The following TCF12 variants were observed in gnomAD, a reference collection of about 807,000 sequenced individuals.
The protein encoded by TCF12 is DNA-binding protein HTF4.
Under a neutral mutation model 86.0 loss-of-function variants are expected in TCF12, and 45 were observed. The observed-to-expected ratio is 0.52, with a 90% CI of 0.41 to 0.67. The LOEUF is 0.67. TCF12 is among the 30% of genes least tolerant of loss of function. TCF12 has a pLI of 0.00. For missense variants in TCF12, 881 were observed against 859.9 expected (o/e 1.02, Z -0.31); for synonymous variants, 330 against 299.6 (o/e 1.10, Z -1.05).
chr15:56,947,008 G>T (rs1398676049), intron 3 of TCF12, among the ~76,000 whole-genome samples: 1 of 152,048 alleles, frequency 6.6e-6, no homozygotes, highest in Non-Finnish European at 1.5e-5. Flanking sequence ...ATGTTGGCTA[G>T]GCTGGTCTTG....
chr15:57,267,366 CA>C (rs1159595429), intron 18 of TCF12, among the ~76,000 whole-genome samples: 12 of 152,126 alleles, frequency 7.9e-5, no homozygotes, highest in African/African-American at 2.9e-4. Flanking sequence ...ACTCAACTAT[CA>C]GGGGCATAAG....
At chr15:57,073,496 C>G (rs2069597502) in intron 4 of TCF12, among the ~76,000 whole-genome samples, 1 of 152,072 alleles carries the variant, frequency 6.6e-6, no homozygotes. Context: ...TTCATGTTAC[C>G]TGCTTTGATC....
intron 4 of TCF12, 127 bp downstream of exon 4, chr15:57,063,950 A>G (rs2068653593): frequency 2.7e-6 from 2 of 733,728 alleles, no homozygotes; most frequent in Non-Finnish European, 4.5e-6. Flanking sequence ...TAGAATACCT[A>G]GTACCTTTTT....
intron 3 of TCF12, among the ~76,000 whole-genome samples, chr15:56,975,682 G>A (rs2062561705): frequency 1.3e-5 from 2 of 151,702 alleles, no homozygotes; most frequent in African/African-American, 4.9e-5. Flanking sequence ...TTAATGTGAG[G>A]CACTGCTAAA....
At chr15:57,205,190 A>G (rs1400618756) in intron 8 of TCF12, among the ~76,000 whole-genome samples, 3 of 152,016 alleles carry the variant, frequency 2.0e-5, no homozygotes, top group Non-Finnish European at 4.4e-5. Context: ...TTGTGTGCCT[A>G]TAGTCCCAGC....
At chr15:56,991,899 A>C (rs1474594460) in intron 3 of TCF12, among the ~76,000 whole-genome samples, 1 of 152,106 alleles carries the variant, frequency 6.6e-6, no homozygotes, top group Non-Finnish European at 1.5e-5. Flanking sequence ...GGTTAAAACA[A>C]CTTTTAAGTT....
At chr15:56,928,229 C>T (rs1248589899) in intron 3 of TCF12, among the ~76,000 whole-genome samples, 1 of 151,966 alleles carries the variant, frequency 6.6e-6, no homozygotes, top group Non-Finnish European at 1.5e-5. Flanking sequence ...CTACAGAATC[C>T]TTGTGAAGAT....
At chr15:57,092,681 C>A (rs2049066627) in intron 5 of TCF12, among the ~76,000 whole-genome samples, 1 of 150,500 alleles carries the variant, frequency 6.6e-6, no homozygotes, top group Non-Finnish European at 1.5e-5. Context: ...GATTTTTTTT[C>A]TTGCTTATGC....
chr15:56,994,675 G>A (rs1416547992), intron 3 of TCF12, among the ~76,000 whole-genome samples: 2 of 152,016 alleles, frequency 1.3e-5, no homozygotes, highest in African/African-American at 2.4e-5. Flanking sequence ...AAAACAATTT[G>A]TTCAGTACTG....
chr15:57,220,956 A>G (rs1168265445), intron 8 of TCF12, among the ~76,000 whole-genome samples: 1 of 152,136 alleles, frequency 6.6e-6, no homozygotes, highest in African/African-American at 2.4e-5. Flanking sequence ...ATTCAATTAC[A>G]TTTTACTAAA....
At chr15:57,039,831 C>T (rs1433402418) in intron 3 of TCF12, among the ~76,000 whole-genome samples, 1 of 152,128 alleles carries the variant, frequency 6.6e-6, no homozygotes. Flanking sequence ...ATATTCCTGC[C>T]CTCTGACACA....
chr15:57,249,224 A>G (rs1836147192), intron 13 of TCF12, among the ~76,000 whole-genome samples: 1 of 152,188 alleles, frequency 6.6e-6, no homozygotes, highest in Non-Finnish European at 1.5e-5. Context: ...TATTTTTCAT[A>G]TAGTCAGTTA....
At chr15:57,106,377 C>G (rs2050133657) in intron 5 of TCF12, among the ~76,000 whole-genome samples, 1 of 152,194 alleles carries the variant, frequency 6.6e-6, no homozygotes, top group Non-Finnish European at 1.5e-5. Context: ...TCTGTACTAA[C>G]TGACGCTTTT....
At chr15:57,150,869 C>A (rs1446396881) in intron 5 of TCF12, among the ~76,000 whole-genome samples, 1 of 108,462 alleles carries the variant, frequency 9.2e-6, no homozygotes, top group Non-Finnish European at 2.0e-5. Context: ...CTCTCCCCCT[C>A]TGTCCCTTCC....
chr15:57,142,444 A>T (rs2053045920), intron 5 of TCF12, among the ~76,000 whole-genome samples: 1 of 152,254 alleles, frequency 6.6e-6, no homozygotes, highest in Non-Finnish European at 1.5e-5. Context: ...GCATCTTGTT[A>T]TTCTGGAAAG....
In TCF12 at chr15:57,048,410, C is replaced by A. The variant is rs189195248; in HGVS notation, c.149-15340C>A. Among the ~76,000 whole-genome samples, 14 of 152,156 alleles carry A rather than the reference C, an allele frequency of 9.2e-5. No individual in the cohort carries two copies. In the East Asian group the frequency reaches 1.9e-3, roughly 21 times the overall value. The stretch of plus-strand genomic sequence containing the variant: ...ACAAGTAGCTGGGACTACAGGCACC[C>A]GCCACCACGCCCGGCTAATTTTTTG... On this transcript the variant is annotated intron_variant, in intron 3 of 20. Transcript: ENST00000333725.
At chr15:57,115,885 A>G (rs1273320451) in intron 5 of TCF12, among the ~76,000 whole-genome samples, 1 of 152,128 alleles carries the variant, frequency 6.6e-6, no homozygotes, top group African/African-American at 2.4e-5. Context: ...AAGATGAGAG[A>G]GAAGAGGAAA....
chr15:57,031,024 A>T (rs1205448982), intron 3 of TCF12, among the ~76,000 whole-genome samples: 1 of 152,220 alleles, frequency 6.6e-6, no homozygotes, highest in African/African-American at 2.4e-5. Flanking sequence ...TAAAGCCTAC[A>T]TACTTGTCAT....
intron 16 of TCF12, among the ~76,000 whole-genome samples, chr15:57,256,393 AGT>A (rs2060347345): frequency 6.6e-6 from 1 of 152,098 alleles, no homozygotes; most frequent in South Asian, 2.1e-4. Context: ...ATTCTTTCAG[AGT>A]GTGTGATTTT....
Sources: allele counts gnomAD v4.1 joint callset (sites outside exome capture counted in the v4.1 genomes callset), GRCh38; gene constraint gnomAD v4.1.1; transcripts MANE v1.5; gene names NCBI Gene and HGNC (gene_info 2026-07-23, HGNC 2026-07-21).